Variants in MYH14 observed in about 807,000 individuals in gnomAD.
MYH14 encodes myosin-14.
In MYH14, 123 loss-of-function variants were observed where a neutral mutation model predicts 255.5. The ratio of observed to expected loss-of-function variants is 0.48; its 90% confidence interval spans 0.42 to 0.56. MYH14 has a LOEUF of 0.56. MYH14 is among the 20% of genes least tolerant of loss of function. The pLI is 0.00. For synonymous variants in MYH14, 1,095 were observed against 1,161.2 expected, an observed-to-expected ratio of 0.94 and a Z score of 1.16; for missense variants, 2,423 against 2,802.3, an observed-to-expected ratio of 0.86 and a Z score of 3.06.
In MYH14 at chr19:50,250,102, T is replaced by C. The variant is rs1568498379; in HGVS notation, c.1656+279T>C. Among the ~76,000 whole-genome samples, 1 of 152,118 alleles carries C rather than the reference T, an allele frequency of 6.6e-6. No homozygotes were observed. ...TGTTTTTTGTTTGTTTGTTTTGTTT[T>C]GTTTTGTTTTTTTCTTGAGACGGAG... On this transcript the variant is annotated intron_variant, in intron 14 of 42. Transcript: ENST00000642316. The surrounding 1 kb of genome is among the most constrained non-coding windows in gnomAD (Gnocchi z 5.4).
chr19:50,249,340 C>G, intron 13 of MYH14: 1 of 665,212 alleles, frequency 1.5e-6, no homozygotes, highest in Non-Finnish European at 2.5e-6. Context: ...CCTTCTCTCT[C>G]TGGGTCTCTG....
intron 2 of MYH14, among the ~76,000 whole-genome samples, chr19:50,216,004 A>G (rs888525676): frequency 6.6e-6 from 1 of 152,236 alleles, no homozygotes; most frequent in Non-Finnish European, 1.5e-5. Context: ...GCCACTAAGC[A>G]GGTAATTCTC....
chr19:50,232,043 C>T lies in MYH14; in HGVS notation c.1087C>T (p.Leu363=), dbSNP rs767540122. ...GGAGACGCTGGAGTCGCTGCGGGTC[C>T]TGGGATTCAGCCACGAGGAAATCAT... ...FQETLESLRV[L]GFSHEEIISM... is the part of the protein sequence containing the mutation. Residue 363 remains leucine, a synonymous_variant, in exon 10 of 43, where the codon CTG becomes TTG. Coordinates refer to ENST00000642316, the MANE Select transcript of MYH14 (RefSeq NM_001145809.2). 6.2e-7 allele frequency: 1 copy of T among 1,612,932 alleles called. No homozygotes were observed. The highest frequency in any genetic ancestry group is 8.5e-7 in the Non-Finnish European group (1 of 1,179,896).
chr19:50,226,923 C>A lies in MYH14; in HGVS notation c.831C>A (p.Asn277Lys). The change falls in exon 8 of 43, where the codon AAC (asparagine) becomes AAA (lysine). Residue 277 changes from asparagine to lysine, a missense_variant. By Grantham distance (94) the Asn-to-Lys change is moderately conservative (BLOSUM62 0). Around this residue, in one of 3 missense-constraint regions of MYH14, gnomAD observed 672 missense variants for 881.8 expected, o/e 0.76. Coordinates refer to ENST00000642316, the MANE Select transcript of MYH14 (RefSeq NM_001145809.2). ...CCCAGGGCAAATTCATCCGCATCAA[C>A]TTTGATGTTGCCGGGTACATCGTGG... ...SSRFGKFIRI[N>K]FDVAGYIVGA... 6.2e-7 allele frequency: 1 copy of A among 1,613,868 alleles called. No homozygotes were observed. Among genetic ancestry groups the A allele is most frequent in the Admixed American group, 1.7e-5 (1 of 60,008 alleles).
At chr19:50,208,876 GGGCTCGGT>G (rs1176848673) in intron 1 of MYH14, among the ~76,000 whole-genome samples, 1 of 151,894 alleles carries the variant, frequency 6.6e-6, no homozygotes, top group Non-Finnish European at 1.5e-5. Context: ...TTTTAAGATG[GGGCTCGGT>G]GGCTCACACC....
intron 8 of MYH14, among the ~76,000 whole-genome samples, chr19:50,227,179 C>T (rs1202719934): frequency 6.6e-6 from 1 of 152,024 alleles, no homozygotes; most frequent in Admixed American, 6.6e-5. Context: ...GGTTGGGGTC[C>T]ACCCAGTTCA....
intron 10 of MYH14, among the ~76,000 whole-genome samples, chr19:50,235,268 G>T (rs1448592736): frequency 6.6e-6 from 1 of 151,536 alleles, no homozygotes; most frequent in African/African-American, 2.4e-5. Flanking sequence ...TGAGGCTAGA[G>T]AATTGCTTGA....
chr19:50,303,926 T>C (rs2036573861), intron 40 of MYH14, among the ~76,000 whole-genome samples: 1 of 152,232 alleles, frequency 6.6e-6, no homozygotes, highest in Admixed American at 6.5e-5. Context: ...ATGAACAGAA[T>C]ATTTATTACT....
rs553280034 is a variant in MYH14, at chr19:50,222,230, C to T, written c.563-853C>T. The stretch of plus-strand genomic sequence containing the variant: ...GTGCAGTGGCTCATACCTGTAATCC[C>T]AGCACTTTGGGAGGCCGAGGCCGGT... On this transcript the variant is annotated intron_variant, in intron 3 of 42. Transcript: ENST00000642316. Among the ~76,000 whole-genome samples, 4 of 152,126 alleles carry T rather than the reference C, an allele frequency of 2.6e-5. No individual in the cohort carries two copies. The South Asian group carries it at 8.3e-4, about 32-fold the overall frequency.
chr19:50,284,002 G>A (rs1464603109), intron 33 of MYH14, among the ~76,000 whole-genome samples: 1 of 151,764 alleles, frequency 6.6e-6, no homozygotes, highest in African/African-American at 2.4e-5. Context: ...AATCTGGGAG[G>A]CGGAGGTTGT....
intron 13 of MYH14, 52 bp from the exon 14 acceptor site, chr19:50,249,598 G>GGGTCTCTGTCCCCTGTCTCT: frequency 1.2e-6 from 2 of 1,610,342 alleles, no homozygotes; most frequent in South Asian, 1.1e-5. Flanking sequence ...CCCTGTCTCT[G>GGGTCTCTGTCCCCTGTCTCT]GGTCTCTGTC....
At chr19:50,254,015 T>G (rs1215885919) in intron 16 of MYH14, among the ~76,000 whole-genome samples, 1 of 152,024 alleles carries the variant, frequency 6.6e-6, no homozygotes, top group African/African-American at 2.4e-5. Context: ...GTCGGGAGTT[T>G]GAGACCAGCC....
chr19:50,251,457 CTA>C (rs752665904), intron 15 of MYH14, among the ~76,000 whole-genome samples: 1 of 138,968 alleles, frequency 7.2e-6, no homozygotes, highest in African/African-American at 2.9e-5. Flanking sequence ...GGTTCTATTC[CTA>C]TATATATATA....
Position 50,294,764 on chromosome 19 carries a change from C to T in MYH14, c.5469+1077C>T, listed in dbSNP as rs146652975. On this transcript the variant is annotated intron_variant, in intron 39 of 42. Transcript: ENST00000642316. ...AAAAAAAAGGTAATAATTATATGCTCAACAGTTATGTGTAGTAAGACTACT... is the reference window on the plus strand; with the variant it reads ...AAAAAAAAGGTAATAATTATATGCTTAACAGTTATGTGTAGTAAGACTACT... Among the ~76,000 whole-genome samples, 273 of 151,630 alleles carry T rather than the reference C, an allele frequency of 1.8e-3. 2 individuals are homozygous for T. Among genetic ancestry groups the T allele is most frequent in the African/African-American group, 6.5e-3 (271 of 41,386 alleles).
chr19:50,233,417 T>C (rs1319082886), intron 10 of MYH14, among the ~76,000 whole-genome samples: 7 of 152,040 alleles, frequency 4.6e-5, no homozygotes, highest in Non-Finnish European at 7.4e-5. Flanking sequence ...TGATCCACCC[T>C]CCTCGGCCTC....
In MYH14 at chr19:50,266,026, G is replaced by A. The variant is rs1363954562; in HGVS notation, c.2695-851G>A. Among the ~76,000 whole-genome samples the A allele has an allele frequency of 6.6e-6, 1 of 152,170 alleles. No individual in the cohort carries two copies. The highest frequency in any genetic ancestry group is 6.5e-5 in the Admixed American group (1 of 15,272). ...GCGAAAGATGCAAGGAGTCGGGGCA[G>A]AAAAGGAGAGAATAGAAGGGATACA... On this transcript the variant is annotated intron_variant, in intron 22 of 42. Transcript: ENST00000642316. The surrounding 1 kb of genome is among the most constrained non-coding windows in gnomAD (Gnocchi z 4.1).
At chr19:50,206,895 A>G (rs1391185790) in intron 1 of MYH14, among the ~76,000 whole-genome samples, 1 of 151,648 alleles carries the variant, frequency 6.6e-6, no homozygotes, top group African/African-American at 2.4e-5. Flanking sequence ...GTGGTGGGGC[A>G]GTGATGGGGA....
intron 17 of MYH14, among the ~76,000 whole-genome samples, chr19:50,255,649 G>A (rs1376550566): frequency 6.6e-6 from 1 of 152,100 alleles, no homozygotes; most frequent in African/African-American, 2.4e-5. Flanking sequence ...AAAGCACAGA[G>A]AAGTTAAGTA....
chr19:50,232,727 G>A (rs565571059), intron 10 of MYH14, among the ~76,000 whole-genome samples: 1 of 152,124 alleles, frequency 6.6e-6, no homozygotes, highest in Non-Finnish European at 1.5e-5. Flanking sequence ...GAAGTCCTGA[G>A]GAAGTGAGGG....
Sources: allele counts gnomAD v4.1 joint callset (sites outside exome capture counted in the v4.1 genomes callset), GRCh38; gene constraint gnomAD v4.1.1; regional missense constraint gnomAD v4.1.1; non-coding constraint Gnocchi (gnomAD v3.1); transcripts MANE v1.5; gene names NCBI Gene and HGNC (gene_info 2026-07-23, HGNC 2026-07-21).